Variants in NPAS1 observed in about 807,000 individuals in gnomAD.
NPAS1 encodes the protein neuronal PAS domain protein 1, also known as neuronal PAS domain-containing protein 1.
A neutral mutation model predicts 49.2 loss-of-function variants in NPAS1; 29 were observed. The ratio of observed to expected loss-of-function variants is 0.59; its 90% confidence interval spans 0.44 to 0.80. NPAS1 has a LOEUF of 0.80. Ranked by LOEUF, NPAS1 falls within the 30% of genes least tolerant of loss-of-function variation. The pLI, the probability that NPAS1 is intolerant of heterozygous loss-of-function variation, is 0.00. For missense variants in NPAS1, 825 were observed against 835.5 expected (o/e 0.99, Z 0.15); for synonymous variants, 408 against 380.4 (o/e 1.07, Z -0.84).
chr19:47,042,775 C>A (rs754454080), intron 10 of NPAS1, 35 bp from the exon 11 acceptor site: 5 of 1,553,252 alleles, frequency 3.2e-6, no homozygotes, highest in Non-Finnish European at 4.4e-6. Context: ...AGGCCAAGGA[C>A]CCCTGGCTCC....
At chr19:47,037,360 A>AG (rs1378312236) in intron 6 of NPAS1, among the ~76,000 whole-genome samples, 56 of 150,582 alleles carry the variant, frequency 3.7e-4, no homozygotes, top group Non-Finnish European at 5.9e-4. Context: ...AAAAAAAAAA[A>AG]AAAAAAAATT....
In NPAS1 at chr19:47,045,352, C is replaced by T. The variant is rs1049089142; in HGVS notation, c.1474C>T (p.Pro492Ser). 3.1e-6 allele frequency: 5 copies of T among 1,613,678 alleles called. No individual in the cohort carries two copies. In the African/African-American group the frequency reaches 5.3e-5, roughly 17 times the overall value. The change falls in exon 12 of 12, where the codon CCC becomes TCC. Residue 492 changes from proline (P) to serine (S), a missense_variant. Pro to Ser is a moderately conservative substitution (Grantham distance 74, BLOSUM62 -1). Transcript: ENST00000602212. ...DPSSHPATPRPEFTSVIRAGV... is the reference protein window; with the variant it reads ...DPSSHPATPRSEFTSVIRAGV... ...CTCCAGCCACCCGGCCACACCGAGGCCCGAGTTCACCTCTGTCATCCGGGC... is the reference window on the plus strand; with the variant it reads ...CTCCAGCCACCCGGCCACACCGAGGTCCGAGTTCACCTCTGTCATCCGGGC...
intron 3 of NPAS1, among the ~76,000 whole-genome samples, chr19:47,023,062 G>A (rs2056851225): frequency 6.6e-6 from 1 of 152,236 alleles, no homozygotes; most frequent in African/African-American, 2.4e-5. Flanking sequence ...CGTCCCAGGG[G>A]AAGAGGGGGG....
chr19:47,027,487 C>T lies in NPAS1; in HGVS notation c.359-4791C>T, dbSNP rs182862649. 1.9e-3 allele frequency among the ~76,000 whole-genome samples: 180 copies of T among 95,714 alleles called. 5 individuals are homozygous for T. The highest frequency in any genetic ancestry group is 7.8e-3 in the African/African-American group (169 of 21,598). The allele number at this position is 95,714 out of a possible 152,430, so 62.8% of individuals were successfully genotyped here. On this transcript the variant is annotated intron_variant, in intron 3 of 11. Coordinates refer to ENST00000602212, the MANE Select transcript of NPAS1 (RefSeq NM_002517.4). ...TCCCGTCTCTCTGCCCCTGGTCTCC[C>T]GTCTCTCTGCCCCTGGTCTCCCATC...
intron 6 of NPAS1, among the ~76,000 whole-genome samples, chr19:47,037,319 CTGAG>C (rs1362215148): frequency 2.7e-5 from 3 of 111,596 alleles, no homozygotes; most frequent in African/African-American, 7.3e-5. Context: ...CCATTGCACT[CTGAG>C]TGAGACTCCG....
At chr19:47,022,016 A>T (rs752525004) in intron 3 of NPAS1, among the ~76,000 whole-genome samples, 169 bp downstream of exon 3, 10 of 152,300 alleles carry the variant, frequency 6.6e-5, no homozygotes, top group African/African-American at 2.4e-4. Context: ...TCAGTTTATT[A>T]AACTGTCAAA....
Position 47,045,620 on chromosome 19 carries a change from C to G in NPAS1, c.1742C>G (p.Ala581Gly). The G allele has an allele frequency of 6.9e-7, 1 of 1,439,840 alleles. No individual in the cohort carries two copies. 89.2% of individuals were successfully genotyped at this position (1,439,840 alleles called of 1,614,324 possible). The change falls in exon 12 of 12, where the codon GCG becomes GGG. Residue 581 changes from alanine (A) to glycine (G), a missense_variant. Coordinates refer to ENST00000602212, the MANE Select transcript of NPAS1 (RefSeq NM_002517.4). ...PPLGLPYPGPAGTRLPRKGD is the reference protein window; with the variant it reads ...PPLGLPYPGPGGTRLPRKGD ...CTGGGCCTGCCCTACCCGGGGCCCG[C>G]GGGCACCAGGCTGCCGCGGAAGGGG...
chr19:47,038,294 A>ATG (rs1343619539), intron 6 of NPAS1, among the ~76,000 whole-genome samples: 4 of 152,188 alleles, frequency 2.6e-5, no homozygotes, highest in Non-Finnish European at 1.5e-5. Context: ...CGAGGCGGCC[A>ATG]GATCACGAGG....
Position 47,045,691 on chromosome 19 carries a change from G to C in NPAS1, c.*40G>C, listed in dbSNP as rs2057072357. The C allele has an allele frequency of 5.1e-6, 7 of 1,371,004 alleles. No individual in the cohort carries two copies. Among genetic ancestry groups the C allele is most frequent in the Non-Finnish European group, 6.6e-6 (7 of 1,059,818 alleles). 84.9% of individuals were successfully genotyped at this position (1,371,004 alleles called of 1,614,324 possible). ...GCCGGCGCCGGACCCTGCGACAACC[G>C]GGGTCCCCCAGGACAGTAGGCCCGG... is the stretch of plus-strand genomic sequence containing the variant. On this transcript the variant is annotated 3_prime_UTR_variant, in exon 12 of 12. Coordinates refer to ENST00000602212, the MANE Select transcript of NPAS1 (RefSeq NM_002517.4).
At position 47,021,666 on chromosome 19, in the gene NPAS1, G is replaced by A. The variant is rs1333017796; in HGVS notation, c.177G>A (p.Gly59=). ...GGAACGCGGCGCGCTCGCGGCGCGG[G>A]AAGGAGAACCTGGAGTTCTTCGAGC... The part of the protein sequence containing the change: ...KSRNAARSRR[G]KENLEFFELA... The change falls in exon 3 of 12, where the codon GGG becomes GGA. Residue 59 remains glycine (G), a synonymous_variant. Coordinates refer to ENST00000602212, the MANE Select transcript of NPAS1 (RefSeq NM_002517.4). This position sits in a 1 kb window ranked among gnomAD's most constrained non-coding sequence, Gnocchi z 5.7. 6.4e-7 allele frequency: 1 copy of A among 1,559,600 alleles called. No individual in the cohort carries two copies. The highest frequency in any genetic ancestry group is 1.4e-5 in the African/African-American group (1 of 71,786).
Position 47,045,527 on chromosome 19 carries a change from G to A in NPAS1, c.1649G>A (p.Gly550Asp). The A allele has an allele frequency of 6.5e-7, 1 of 1,532,646 alleles. No homozygotes were observed. 94.9% of individuals were successfully genotyped at this position (1,532,646 alleles called of 1,614,324 possible). A position where few individuals can be genotyped will look rare whatever the true frequency, so the allele number is the denominator to read the frequency against. The change falls in exon 12 of 12, where the codon GGC (glycine) becomes GAC (aspartate). Residue 550 changes from glycine (G) to aspartate (D), a missense_variant. Transcript: ENST00000602212. ...GTIRYGPAELGLVYPHLQRLG... is the reference protein window; with the variant it reads ...GTIRYGPAELDLVYPHLQRLG... ...ATCCGCTACGGCCCCGCGGAGCTGG[G>A]CCTGGTGTACCCGCACCTGCAGAGG...
rs1359360210 is a variant in NPAS1 at position 47,045,773 on chromosome 19, C to T, written c.*122C>T. ...GCTCTCCCTGCAGTGGTTTGGGCTC[C>T]GGGCTGTGAGCTCCTCTGTCCATTT... On this transcript the variant is annotated 3_prime_UTR_variant, in exon 12 of 12. Transcript: ENST00000602212. 4.7e-6 allele frequency: 5 copies of T among 1,064,098 alleles called. No individual in the cohort carries two copies. The highest frequency in any genetic ancestry group is 1.7e-5 in the African/African-American group (1 of 59,530). The allele number at this position is 1,064,098 out of a possible 1,614,324, so 65.9% of individuals were successfully genotyped here.
rs754025782 is a variant in NPAS1, at chr19:47,041,120, G to A, written c.1212G>A (p.Val404=). Residue 404 remains valine, a synonymous_variant, in exon 10 of 12, where the codon GTG becomes GTA. Coordinates refer to ENST00000602212, the MANE Select transcript of NPAS1 (RefSeq NM_002517.4). ...GEHHVLWVSH[V]LSQAEGGQTP... ...ACCATGTGCTTTGGGTCAGCCACGT[G>A]CTCAGGTGAGGGCTGTGCCCACCCC... The A allele has an allele frequency of 5.0e-6, 8 of 1,584,262 alleles. No individual in the cohort carries two copies. In the South Asian group the frequency reaches 5.7e-5, roughly 11 times the overall value.
At chr19:47,033,975 TAAAAAA>T (rs532811476) in intron 5 of NPAS1, among the ~76,000 whole-genome samples, 15 of 100,782 alleles carry the variant, frequency 1.5e-4, no homozygotes, top group Admixed American at 5.5e-4. Context: ...GGCTATGCCT[TAAAAAA>T]AAAAAAAAAA....
chr19:47,040,824 CCT>C (rs2122543229), intron 9 of NPAS1, 152 bp from the exon 10 acceptor site: 1 of 689,022 alleles, frequency 1.5e-6, no homozygotes, highest in East Asian at 2.9e-5. Flanking sequence ...TCTGACTCTG[CCT>C]CTCTGTGCTT....
In NPAS1 at chr19:47,045,486, G is replaced by C; in HGVS notation, c.1608G>C (p.Leu536=). 2 of 1,566,028 alleles carry C rather than the reference G, an allele frequency of 1.3e-6. No individual in the cohort carries two copies. The highest frequency in any genetic ancestry group is 2.3e-5 in the South Asian group (2 of 86,922). ...AGFLPPVVRG[L]CTPGTIRYGP... ...TCCTGCCGCCGGTGGTGCGGGGCCT[G>C]TGCACACCCGGCACCATCCGCTACG... The change falls in exon 12 of 12, where the codon CTG becomes CTC. Residue 536 remains leucine, a synonymous_variant. Transcript: ENST00000602212.
At chr19:47,038,362 C>A (rs1388919083) in intron 6 of NPAS1, among the ~76,000 whole-genome samples, 1 of 150,460 alleles carries the variant, frequency 6.6e-6, no homozygotes, top group Non-Finnish European at 1.5e-5. Flanking sequence ...ACTAAAAATA[C>A]AAAAACTAGC....
chr19:47,021,239 C>G lies in NPAS1; in HGVS notation c.122+70C>G, dbSNP rs1254780542. 2.9e-6 allele frequency: 4 copies of G among 1,378,662 alleles called. No individual in the cohort carries two copies. The highest frequency in any genetic ancestry group is 3.9e-6 in the Non-Finnish European group (4 of 1,032,214). The allele number at this position is 1,378,662 out of a possible 1,614,324, so 85.4% of individuals were successfully genotyped here. The stretch of plus-strand genomic sequence containing the variant: ...CCAATTCACACCCGATGTTCTGTCC[C>G]CGTGCCAAGGGGCAGTTCACACCCA... On this transcript the variant is annotated intron_variant, in intron 2 of 11. Transcript: ENST00000602212. This position sits in a 1 kb window ranked among gnomAD's most constrained non-coding sequence, Gnocchi z 5.7.
In NPAS1 at chr19:47,045,225, C is replaced by A; in HGVS notation, c.1347C>A (p.Ala449=). 3.7e-6 allele frequency: 6 copies of A among 1,613,858 alleles called. No individual in the cohort carries two copies. The highest frequency in any genetic ancestry group is 5.1e-6 in the Non-Finnish European group (6 of 1,179,960). The change falls in exon 12 of 12, where the codon GCC becomes GCA. Residue 449 remains alanine (A), a synonymous_variant. Transcript: ENST00000602212. ...CTCCGACGGAAGGGAAGCAGGCTGCCCCAGCGGAGAACGAGGCCCCCCAGA... is the reference window on the plus strand; with the variant it reads ...CTCCGACGGAAGGGAAGCAGGCTGCACCAGCGGAGAACGAGGCCCCCCAGA... ...PEPPTEGKQA[A]PAENEAPQTQ...
Sources: gnomAD v4.1 joint callset for allele counts (sites outside exome capture counted in the v4.1 genomes callset) on GRCh38, gnomAD v4.1.1 for gene constraint, Gnocchi (gnomAD v3.1) non-coding constraint, MANE v1.5 for transcripts, NCBI Gene and HGNC (gene_info 2026-07-23, HGNC 2026-07-21) for gene names.